The following JAM2 variants were observed in gnomAD, a reference collection of about 807,000 sequenced individuals.
JAM2 encodes junctional adhesion molecule B.
Under a neutral mutation model 42.0 loss-of-function variants are expected in JAM2, and 17 were observed. That is an observed-to-expected ratio of 0.40 (90% CI 0.28 to 0.61). The LOEUF (loss-of-function observed/expected upper bound fraction) is 0.61, where lower values mean the gene tolerates loss of function less well. Ranked by LOEUF, JAM2 falls within the 20% of genes least tolerant of loss-of-function variation. The pLI is 0.37. For synonymous variants in JAM2, 118 were observed against 128.6 expected, an observed-to-expected ratio of 0.92 and a Z score of 0.56; for missense variants, 319 against 358.3, an observed-to-expected ratio of 0.89 and a Z score of 0.89.
At chr21:25,691,596 C>T (rs149103666) in intron 3 of JAM2, among the ~76,000 whole-genome samples, 15 of 152,192 alleles carry the variant, frequency 9.9e-5, no homozygotes, top group African/African-American at 2.4e-4. Context: ...TTTCTTGTGC[C>T]GCAGTGTTAC....
chr21:25,669,295 CG>C, intron 1 of JAM2, among the ~76,000 whole-genome samples: 1 of 151,272 alleles, frequency 6.6e-6, no homozygotes, highest in Non-Finnish European at 1.5e-5. Flanking sequence ...CACCTGAGCC[CG>C]GGGAGGTTGA....
At chr21:25,671,666 T>C (rs1483733389) in intron 1 of JAM2, among the ~76,000 whole-genome samples, 1 of 152,006 alleles carries the variant, frequency 6.6e-6, no homozygotes, top group Non-Finnish European at 1.5e-5. Context: ...CCACCACACC[T>C]GGCTAATTTT....
chr21:25,661,559 T>TA (rs397732478), intron 1 of JAM2, among the ~76,000 whole-genome samples: 5 of 151,802 alleles, frequency 3.3e-5, no homozygotes, highest in Admixed American at 6.6e-5. Flanking sequence ...TGTATTTTTT[T>TA]ATTTCTCTTT....
intron 1 of JAM2, among the ~76,000 whole-genome samples, chr21:25,669,810 C>G (rs1393645472): frequency 1.3e-5 from 2 of 152,182 alleles, no homozygotes; most frequent in Non-Finnish European, 2.9e-5. Context: ...TTGCATTTCT[C>G]TAATAGACTA....
At chr21:25,654,492 A>G (rs2032871653) in intron 1 of JAM2, among the ~76,000 whole-genome samples, 1 of 152,034 alleles carries the variant, frequency 6.6e-6, no homozygotes, top group Non-Finnish European at 1.5e-5. Context: ...TACTAAAAAT[A>G]CAAAAATTCG....
intron 1 of JAM2, among the ~76,000 whole-genome samples, chr21:25,649,612 A>G (rs2032715579): frequency 6.6e-6 from 1 of 151,948 alleles, no homozygotes; most frequent in Admixed American, 6.6e-5. Context: ...TAAAAGTTCT[A>G]CTCTCTGGAG....
chr21:25,652,030 A>C (rs918971193), intron 1 of JAM2, among the ~76,000 whole-genome samples: 6 of 152,172 alleles, frequency 3.9e-5, no homozygotes, highest in African/African-American at 1.4e-4. Flanking sequence ...TAAATGTTTT[A>C]TTTCAAAAGA....
chr21:25,711,949 AC>A, intron 8 of JAM2: 1 of 225,604 alleles, frequency 4.4e-6, no homozygotes, highest in Non-Finnish European at 8.9e-6. Context: ...TGACTGGAAC[AC>A]TAGTCACCAT....
intron 1 of JAM2, among the ~76,000 whole-genome samples, chr21:25,675,322 C>A (rs2033457637): frequency 6.6e-6 from 1 of 152,054 alleles, no homozygotes; most frequent in South Asian, 2.1e-4. Flanking sequence ...ATGGTGAAAC[C>A]CCATCTCCAC....
Position 25,698,745 on chromosome 21 carries a change from T to C in JAM2, c.463T>C (p.Cys155Arg), listed in dbSNP as rs762896128. Residue 155 changes from cysteine (C) to arginine (R), a missense_variant, in exon 5 of 10, where the codon TGT becomes CGT. Coordinates refer to ENST00000480456, the MANE Select transcript of JAM2 (RefSeq NM_021219.4). The stretch of plus-strand genomic sequence containing the variant: ...GAGTGGAACTGTGGTAGAGCTACGA[T>C]GTCAAGACAAAGAAGGGAATCCAGC... Reference protein sequence around the residue: ...ALSGTVVELRCQDKEGNPAPE... With the variant: ...ALSGTVVELRRQDKEGNPAPE... The C allele has an allele frequency of 1.2e-6, 2 of 1,614,068 alleles. No homozygotes were observed. Among genetic ancestry groups the C allele is most frequent in the African/African-American group, 1.3e-5 (1 of 74,928 alleles).
intron 1 of JAM2, among the ~76,000 whole-genome samples, chr21:25,676,549 T>A (rs2033502199): frequency 6.6e-6 from 1 of 152,188 alleles, no homozygotes; most frequent in Non-Finnish European, 1.5e-5. Context: ...ATTATTTGAC[T>A]TGGAGTTGTT....
At chr21:25,712,224 T>C (rs1409737264) in intron 8 of JAM2, 116 bp from the exon 9 acceptor site, 4 of 745,158 alleles carry the variant, frequency 5.4e-6, no homozygotes, top group Non-Finnish European at 7.4e-6. Flanking sequence ...ACCTAAGATA[T>C]ATGTTCATGT....
chr21:25,672,824 T>C (rs1159943949), intron 1 of JAM2, among the ~76,000 whole-genome samples: 1 of 152,186 alleles, frequency 6.6e-6, no homozygotes, highest in Non-Finnish European at 1.5e-5. Context: ...TATCCACTAA[T>C]GAAGTGTTAG....
intron 1 of JAM2, among the ~76,000 whole-genome samples, chr21:25,658,076 A>G (rs890115134): frequency 3.3e-5 from 5 of 152,222 alleles, no homozygotes; most frequent in Admixed American, 6.5e-5. Context: ...CCCCTTACAT[A>G]TAGACTAGAC....
intron 1 of JAM2, chr21:25,643,577 G>C (rs947054132): frequency 1.3e-5 from 2 of 152,204 alleles, no homozygotes; most frequent in African/African-American, 2.4e-5. Flanking sequence ...TCTGCCCTCT[G>C]TATCTATTGT....
At chr21:25,666,367 C>T (rs2033222818) in intron 1 of JAM2, among the ~76,000 whole-genome samples, 1 of 130,690 alleles carries the variant, frequency 7.7e-6, no homozygotes, top group African/African-American at 3.2e-5. Flanking sequence ...CTCAGTCACC[C>T]ATGCTGGAGT....
intron 8 of JAM2, among the ~76,000 whole-genome samples, chr21:25,711,098 C>A (rs755562272): frequency 6.6e-6 from 1 of 152,122 alleles, no homozygotes; most frequent in Non-Finnish European, 1.5e-5. Context: ...TTACCATTTA[C>A]GGAAGTGTGG....
chr21:25,684,944 T>C (rs1417176604), intron 2 of JAM2, among the ~76,000 whole-genome samples: 1 of 152,154 alleles, frequency 6.6e-6, no homozygotes, highest in Non-Finnish European at 1.5e-5. Context: ...TTCCAAAGGA[T>C]CCTTTATCTT....
intron 1 of JAM2, among the ~76,000 whole-genome samples, chr21:25,680,795 A>ATGG (rs2033612464): frequency 6.6e-6 from 1 of 150,550 alleles, no homozygotes; most frequent in Non-Finnish European, 1.5e-5. Flanking sequence ...TGGATGGATG[A>ATGG]CGATCGATGG....
Sources: gnomAD v4.1 joint callset for allele counts (sites outside exome capture counted in the v4.1 genomes callset) on GRCh38, gnomAD v4.1.1 for gene constraint, MANE v1.5 for transcripts, NCBI Gene and HGNC (gene_info 2026-07-23, HGNC 2026-07-21) for gene names.